The following ZNF407 variants were observed in gnomAD, a reference collection of about 807,000 sequenced individuals.
ZNF407 encodes the protein zinc finger protein 407.
A neutral mutation model predicts 131.2 loss-of-function variants in ZNF407; 17 were observed. The ratio of observed to expected loss-of-function variants is 0.13; its 90% CI spans 0.09 to 0.19. ZNF407 has a LOEUF of 0.19. Among genes scored for constraint, ZNF407 ranks in the 10% least tolerant of loss-of-function variants. The pLI is 1.00. For missense variants in ZNF407, 2,681 were observed against 2,830.6 expected (o/e 0.95, Z 1.20); for synonymous variants, 1,156 against 1,062.0 (o/e 1.09, Z -1.72).
intron 3 of ZNF407, among the ~76,000 whole-genome samples, chr18:74,734,412 T>C (rs998767725): frequency 6.6e-6 from 1 of 152,228 alleles, no homozygotes; most frequent in Non-Finnish European, 1.5e-5. Flanking sequence ...TTTTGTTTTT[T>C]ATCATTCTTT....
At chr18:75,062,875 A>G (rs904468540) in intron 8 of ZNF407, 6 of 297,256 alleles carry the variant, frequency 2.0e-5, no homozygotes, top group Non-Finnish European at 3.1e-5. Flanking sequence ...AGAGGCGCAC[A>G]CCCCTGCAAA....
intron 4 of ZNF407, among the ~76,000 whole-genome samples, chr18:74,856,887 A>G (rs1169272026): frequency 2.0e-5 from 3 of 152,210 alleles, no homozygotes; most frequent in Non-Finnish European, 4.4e-5. Flanking sequence ...TAATTCAAGT[A>G]ATAAGAAGCC....
intron 1 of ZNF407, among the ~76,000 whole-genome samples, chr18:74,622,215 G>A (rs1983541918): frequency 6.6e-6 from 1 of 152,202 alleles, no homozygotes; most frequent in Non-Finnish European, 1.5e-5. Context: ...GGGGTTTCGT[G>A]ACTACAACTA....
chr18:74,750,446 G>A (rs1298108003), intron 3 of ZNF407, among the ~76,000 whole-genome samples: 1 of 152,104 alleles, frequency 6.6e-6, no homozygotes, highest in African/African-American at 2.4e-5. Context: ...ATTCTGGACA[G>A]TTCATATGAA....
chr18:74,609,400 A>G (rs1982955698), intron 1 of ZNF407, among the ~76,000 whole-genome samples: 1 of 152,224 alleles, frequency 6.6e-6, no homozygotes, highest in South Asian at 2.1e-4. Context: ...CAACAAACCC[A>G]TATAGCATGT....
intron 8 of ZNF407, among the ~76,000 whole-genome samples, chr18:75,053,877 C>G (rs1173057016): frequency 1.3e-5 from 2 of 152,224 alleles, no homozygotes; most frequent in African/African-American, 2.4e-5. Flanking sequence ...CTGTGTCCTC[C>G]CCTTGACTTG....
In ZNF407 at chr18:74,811,262, A is replaced by G. The variant is rs567807222; in HGVS notation, c.4877+29760A>G. Reference sequence around the variant, plus strand: ...AAGAAGACATTTATGCAGCCAAAAAACACATGAAAAAATGCTCACCATCAC... The same window carrying G: ...AAGAAGACATTTATGCAGCCAAAAAGCACATGAAAAAATGCTCACCATCAC... On this transcript the variant is annotated intron_variant, in intron 4 of 8. Transcript: ENST00000299687. Among the ~76,000 whole-genome samples the G allele has an allele frequency of 3.6e-3, 554 of 152,326 alleles. 9 individuals are homozygous for G. Among genetic ancestry groups the G allele is most frequent in the South Asian group, 0.028 (136 of 4,818 alleles).
chr18:75,028,895 G>A (rs970673778), intron 8 of ZNF407, among the ~76,000 whole-genome samples: 16 of 152,196 alleles, frequency 1.1e-4, no homozygotes, highest in Admixed American at 8.5e-4. Context: ...ATTTATACGT[G>A]ATGCACCCAT....
Position 75,001,374 on chromosome 18 carries a change from A to G in ZNF407, c.5429-61776A>G, listed in dbSNP as rs575368863. 2.0e-5 allele frequency among the ~76,000 whole-genome samples: 3 copies of G among 152,336 alleles called. No individual in the cohort carries two copies. The East Asian group carries it at 5.8e-4, about 29-fold the overall frequency. ...AGGTTTTATTTTGAGCCAGAAAGTT[A>G]TATGATAAACGATATCTATTAGGGG... On this transcript the variant is annotated intron_variant, in intron 8 of 8. Coordinates refer to ENST00000299687, the MANE Select transcript of ZNF407 (RefSeq NM_017757.3).
chr18:75,056,544 ACATT>A (rs1568313721), intron 8 of ZNF407, among the ~76,000 whole-genome samples: 12 of 152,242 alleles, frequency 7.9e-5, no homozygotes, highest in African/African-American at 2.7e-4. Context: ...GAGGAAGTTC[ACATT>A]GTTTAGTACA....
intron 1 of ZNF407, among the ~76,000 whole-genome samples, chr18:74,611,460 T>C (rs139044402): frequency 6.6e-6 from 1 of 152,338 alleles, no homozygotes; most frequent in African/African-American, 2.4e-5. Flanking sequence ...ATGACCTAAG[T>C]AGGCATTTCA....
At chr18:74,715,333 A>G (rs186332197) in intron 3 of ZNF407, among the ~76,000 whole-genome samples, 1 of 152,352 alleles carries the variant, frequency 6.6e-6, no homozygotes, top group East Asian at 1.9e-4. Context: ...ATCAGTTCAC[A>G]TATTTACTGA....
intron 4 of ZNF407, among the ~76,000 whole-genome samples, chr18:74,832,560 G>C (rs148002915): frequency 1.8e-3 from 269 of 151,900 alleles, no homozygotes; most frequent in African/African-American, 6.3e-3. Context: ...GCTCACCTGA[G>C]TTTGTAAGCT....
intron 4 of ZNF407, among the ~76,000 whole-genome samples, chr18:74,861,225 T>C (rs1970932523): frequency 6.6e-6 from 1 of 152,228 alleles, no homozygotes; most frequent in African/African-American, 2.4e-5. Flanking sequence ...GAATGGCCTA[T>C]TTATGTAATC....
At chr18:74,927,204 T>G (rs1971925805) in intron 8 of ZNF407, among the ~76,000 whole-genome samples, 1 of 152,232 alleles carries the variant, frequency 6.6e-6, no homozygotes, top group Admixed American at 6.5e-5. Flanking sequence ...AAAATCTGTC[T>G]TCAAGAGGTT....
At chr18:74,973,396 G>A (rs568656722) in intron 8 of ZNF407, among the ~76,000 whole-genome samples, 159 of 152,222 alleles carry the variant, frequency 1.0e-3, no homozygotes, top group African/African-American at 3.0e-3. Flanking sequence ...CTAAGTAGTC[G>A]CCTTGAAGTA....
At chr18:74,877,431 A>G in intron 5 of ZNF407, 68 bp downstream of exon 5, 2 of 1,427,784 alleles carry the variant, frequency 1.4e-6, no homozygotes, top group East Asian at 2.3e-5. Context: ...GTGGGAACAG[A>G]GGCATTAATT....
At chr18:74,661,099 G>A (rs1985695224) in intron 3 of ZNF407, among the ~76,000 whole-genome samples, 1 of 152,102 alleles carries the variant, frequency 6.6e-6, no homozygotes, top group South Asian at 2.1e-4. Context: ...AATGTTTACT[G>A]ATCACAAGAA....
At chr18:74,831,852 C>T (rs1355524569) in intron 4 of ZNF407, among the ~76,000 whole-genome samples, 1 of 152,164 alleles carries the variant, frequency 6.6e-6, no homozygotes, top group African/African-American at 2.4e-5. Flanking sequence ...GAGGGGCCTC[C>T]CTGTGCTCCT....
Sources: allele counts gnomAD v4.1 joint callset (sites outside exome capture counted in the v4.1 genomes callset), GRCh38; gene constraint gnomAD v4.1.1; transcripts MANE v1.5; gene names NCBI Gene and HGNC (gene_info 2026-07-23, HGNC 2026-07-21).